APCDD1: variants seen among roughly 807,000 people sequenced by gnomAD.
APCDD1 encodes protein APCDD1.
In APCDD1, 15 loss-of-function variants were observed where a neutral mutation model predicts 38.1. The observed-to-expected ratio is 0.39, with a 90% CI of 0.26 to 0.61. The LOEUF (loss-of-function observed/expected upper bound fraction) is 0.61. APCDD1 is among the 20% of genes least tolerant of loss of function. The probability of loss-of-function intolerance (pLI) is 0.49; values close to 1 mark genes in which losing one functional copy is unlikely to be tolerated. For synonymous variants in APCDD1, 261 were observed against 279.7 expected (o/e 0.93, Z 0.67); for missense variants, 647 against 696.2 (o/e 0.93, Z 0.79).
chr18:10,465,963 T>TA (rs1308396040), intron 1 of APCDD1, among the ~76,000 whole-genome samples: 46 of 152,332 alleles, frequency 3.0e-4, no homozygotes, highest in African/African-American at 1.1e-3. Flanking sequence ...TGGCTTTTAT[T>TA]ATCTTCATGG....
rs2030996144 is a variant in APCDD1, at chr18:10,476,151, T to TCCTTC, written c.774+4090_774+4091insCCTTC. ...TGGAACCTCCTCCTTTGAACTCTTC[T>TCCTTC]ACTTCCCTAATTGCTGGTCCATAGA... is the stretch of plus-strand genomic sequence containing the variant. On this transcript the variant is annotated intron_variant, in intron 3 of 4. Transcript: ENST00000355285. This position sits in a 1 kb window ranked among gnomAD's most constrained non-coding sequence, Gnocchi z 5.8. 6.6e-6 allele frequency: 1 copy of TCCTTC among 152,250 alleles called. No homozygotes were observed. Among genetic ancestry groups the TCCTTC allele is most frequent in the Admixed American group, 6.5e-5 (1 of 15,290 alleles). 9.4% of individuals were successfully genotyped at this position (152,250 alleles called of 1,614,324 possible).
chr18:10,459,543 A>G (rs1213086426), intron 1 of APCDD1, among the ~76,000 whole-genome samples: 1 of 152,252 alleles, frequency 6.6e-6, no homozygotes, highest in African/African-American at 2.4e-5. Flanking sequence ...GCTCATAAAG[A>G]GAGACGACTT....
intron 1 of APCDD1, among the ~76,000 whole-genome samples, chr18:10,464,139 G>A (rs1374268738): frequency 6.6e-6 from 1 of 151,972 alleles, no homozygotes; most frequent in Admixed American, 6.5e-5. Flanking sequence ...CGTAACTGTA[G>A]GCCTCCTTTC....
At position 10,471,780 on chromosome 18, in the gene APCDD1, C is replaced by G. The variant is rs767992023; in HGVS notation, c.493C>G (p.Gln165Glu). ...HTEAVAEKLG[Q>E]QVNRTCPGFL... The stretch of plus-strand genomic sequence containing the variant: ...AGAGGCGGTGGCCGAGAAGCTCGGC[C>G]AGCAGGTGAACCGCACATGCCCGGG... The change falls in exon 3 of 5, where the codon CAG becomes GAG. Residue 165 changes from glutamine to glutamate, a missense_variant. Coordinates refer to ENST00000355285, the MANE Select transcript of APCDD1 (RefSeq NM_153000.5). The surrounding 1 kb of genome is among the most constrained non-coding windows in gnomAD (Gnocchi z 5.5). The G allele has an allele frequency of 2.5e-6, 4 of 1,613,146 alleles. No individual in the cohort carries two copies. In the Admixed American group the frequency reaches 6.7e-5, roughly 27 times the overall value.
At position 10,471,921 on chromosome 18, in the gene APCDD1, A is replaced by C; in HGVS notation, c.634A>C (p.Ile212Leu). The C allele has an allele frequency of 1.2e-6, 2 of 1,614,152 alleles. No individual in the cohort carries two copies. ...VNFAMHELQL[I>L]RVEKQYLHHN... The stretch of plus-strand genomic sequence containing the variant: ...CTTTGCCATGCATGAACTTCAGCTC[A>C]TCCGGGTGGAGAAGCAGTACCTTCA... The change falls in exon 3 of 5, where the codon ATC (isoleucine) becomes CTC (leucine). Residue 212 changes from isoleucine (I) to leucine (L), a missense_variant. Transcript: ENST00000355285. The surrounding 1 kb of genome is among the most constrained non-coding windows in gnomAD (Gnocchi z 5.5).
intron 3 of APCDD1, among the ~76,000 whole-genome samples, chr18:10,474,634 A>G (rs1378975165): frequency 1.3e-5 from 2 of 152,168 alleles, no homozygotes; most frequent in Middle Eastern, 3.2e-3. Flanking sequence ...TACTGGGGGA[A>G]AAATTAACCA....
chr18:10,462,037 A>C (rs1020855080), intron 1 of APCDD1, among the ~76,000 whole-genome samples: 1 of 152,218 alleles, frequency 6.6e-6, no homozygotes, highest in African/African-American at 2.4e-5. Flanking sequence ...CACTTCTAAG[A>C]ACCTGAATCG....
intron 1 of APCDD1, among the ~76,000 whole-genome samples, chr18:10,459,741 T>C (rs1039980137): frequency 1.4e-4 from 22 of 152,208 alleles, no homozygotes; most frequent in Admixed American, 1.4e-3. Flanking sequence ...CAGCACCCAC[T>C]TCAAAGCACA....
intron 3 of APCDD1, among the ~76,000 whole-genome samples, chr18:10,481,625 A>G (rs994066670): frequency 3.3e-5 from 5 of 151,760 alleles, no homozygotes; most frequent in Admixed American, 6.6e-5. Context: ...GTGTGAATAT[A>G]CTTTAAAATG....
At chr18:10,468,916 G>C (rs2030784697) in intron 2 of APCDD1, among the ~76,000 whole-genome samples, 1 of 152,220 alleles carries the variant, frequency 6.6e-6, no homozygotes. Context: ...CTTGTTTACT[G>C]AACTCTATGG....
chr18:10,484,499 T>C (rs10744998), intron 3 of APCDD1, among the ~76,000 whole-genome samples: 58,860 of 152,092 alleles, frequency 0.39, 11,838 homozygotes, highest in East Asian at 0.61. Context: ...ACTGATCGCA[T>C]TCATGTTATT....
chr18:10,459,810 C>T (rs1598394246), intron 1 of APCDD1, among the ~76,000 whole-genome samples: 1 of 152,180 alleles, frequency 6.6e-6, no homozygotes, highest in East Asian at 1.9e-4. Context: ...TAAGTAATTA[C>T]TTGCACTTAA....
chr18:10,469,242 T>C lies in APCDD1; in HGVS notation c.242+590T>C, dbSNP rs2030793224. ...TTTTTTTTTCTACCCATTAGATTGC[T>C]GAGAATTAACAAGACTAACTCTGGG... On this transcript the variant is annotated intron_variant, in intron 2 of 4. Transcript: ENST00000355285. This position sits in a 1 kb window ranked among gnomAD's most constrained non-coding sequence, Gnocchi z 5.5. Among the ~76,000 whole-genome samples, 2 of 152,154 alleles carry C rather than the reference T, an allele frequency of 1.3e-5. No individual in the cohort carries two copies. Among genetic ancestry groups the C allele is most frequent in the Non-Finnish European group, 2.9e-5 (2 of 68,016 alleles).
At chr18:10,457,988 A>G (rs1385810256) in intron 1 of APCDD1, among the ~76,000 whole-genome samples, 3 of 152,244 alleles carry the variant, frequency 2.0e-5, no homozygotes, top group African/African-American at 4.8e-5. Flanking sequence ...AATAAAGCCT[A>G]TTTAATGTCA....
intron 4 of APCDD1, among the ~76,000 whole-genome samples, chr18:10,487,172 G>A (rs545493299): frequency 2.0e-5 from 3 of 152,302 alleles, no homozygotes; most frequent in East Asian, 3.9e-4. Flanking sequence ...TTAGAAACCC[G>A]AAAACCTTTT....
chr18:10,473,402 G>A (rs1206706843), intron 3 of APCDD1, among the ~76,000 whole-genome samples: 3 of 152,226 alleles, frequency 2.0e-5, no homozygotes, highest in Non-Finnish European at 4.4e-5. Flanking sequence ...GGCTCAGGAT[G>A]CCCTTGGGGG....
chr18:10,459,316 G>GCA (rs56849201), intron 1 of APCDD1, among the ~76,000 whole-genome samples: 58,613 of 150,028 alleles, frequency 0.39, 11,597 homozygotes, highest in Middle Eastern at 0.5. Context: ...CCACAAGCGT[G>GCA]CACACACACA....
chr18:10,466,067 T>C (rs993383604), intron 1 of APCDD1, among the ~76,000 whole-genome samples: 5 of 152,252 alleles, frequency 3.3e-5, no homozygotes, highest in African/African-American at 9.6e-5. Context: ...GAATGCTTAG[T>C]AGCATATTTA....
chr18:10,488,348 T>G lies in APCDD1; in HGVS notation c.*310T>G. Reference sequence around the variant, plus strand: ...GGATGAAAGCTAGGGCCTCTTATTTTTTTCTCTTAATTATTATTATATTTC... The same window carrying G: ...GGATGAAAGCTAGGGCCTCTTATTTGTTTCTCTTAATTATTATTATATTTC... On this transcript the variant is annotated 3_prime_UTR_variant, in exon 5 of 5. Transcript: ENST00000355285. 3.6e-6 allele frequency: 1 copy of G among 275,526 alleles called. No individual in the cohort carries two copies. Among genetic ancestry groups the G allele is most frequent in the South Asian group, 8.3e-5 (1 of 12,070 alleles). 17.1% of individuals were successfully genotyped at this position (275,526 alleles called of 1,614,324 possible).
Sources: gnomAD v4.1 joint callset for allele counts (sites outside exome capture counted in the v4.1 genomes callset) on GRCh38, gnomAD v4.1.1 for gene constraint, Gnocchi (gnomAD v3.1) non-coding constraint, MANE v1.5 for transcripts, NCBI Gene and HGNC (gene_info 2026-07-23, HGNC 2026-07-21) for gene names.